Variants in TULP4 observed in about 807,000 individuals in gnomAD.
The protein encoded by TULP4 is TUB like protein 4.
Under a neutral mutation model 129.0 loss-of-function variants are expected in TULP4, and 16 were observed. The observed-to-expected ratio is 0.12, with a 90% CI of 0.08 to 0.19. The LOEUF is 0.19. TULP4 is among the 10% of genes least tolerant of loss of function. The probability of loss-of-function intolerance (pLI) is 1.00; values close to 1 mark genes in which losing one functional copy is unlikely to be tolerated. For synonymous variants in TULP4, 998 were observed against 854.0 expected (o/e 1.17, Z -2.94); for missense variants, 1,842 against 2,059.1 (o/e 0.89, Z 2.04).
chr6:158,427,547 G>A (rs1428094369), intron 2 of TULP4, among the ~76,000 whole-genome samples: 1 of 126,522 alleles, frequency 7.9e-6, no homozygotes, highest in African/African-American at 3.1e-5. Context: ...AGGCTGGAGT[G>A]CAGTGGCATG....
At position 158,411,930 on chromosome 6, in the gene TULP4, C is replaced by G. The variant is rs541948658; in HGVS notation, c.253-1135C>G. 7.2e-5 allele frequency among the ~76,000 whole-genome samples: 11 copies of G among 152,286 alleles called. No homozygotes were observed. The South Asian group carries it at 1.0e-3, about 14-fold the overall frequency. On this transcript the variant is annotated intron_variant, in intron 1 of 13. Transcript: ENST00000367097. ...AATTAGAATTTGGAAACCATTAACA[C>G]CAGTGCCACATGTTCACAACTATTA...
intron 6 of TULP4, among the ~76,000 whole-genome samples, chr6:158,464,350 A>G (rs1386028302): frequency 6.6e-6 from 1 of 152,242 alleles, no homozygotes; most frequent in Non-Finnish European, 1.5e-5. Flanking sequence ...GTGGATTCAA[A>G]GATTTTCTGA....
intron 3 of TULP4, among the ~76,000 whole-genome samples, chr6:158,445,388 A>T (rs1779012887): frequency 6.6e-6 from 1 of 152,142 alleles, no homozygotes; most frequent in Admixed American, 6.5e-5. Flanking sequence ...GGATTTGAGA[A>T]TTGGTTTATA....
At chr6:158,479,623 C>T in intron 6 of TULP4, 128 bp from the exon 7 acceptor site, 1 of 830,536 alleles carries the variant, frequency 1.2e-6, no homozygotes. Context: ...ACATTCTCTA[C>T]TGTGCTTTTA....
chr6:158,499,177 A>G (rs1044785360), intron 12 of TULP4, among the ~76,000 whole-genome samples: 13 of 152,194 alleles, frequency 8.5e-5, no homozygotes, highest in Admixed American at 2.0e-4. Context: ...ACTGAGACTC[A>G]ATCTCATTGA....
chr6:158,319,298 T>G (rs1779569124), intron 1 of TULP4, among the ~76,000 whole-genome samples: 1 of 152,190 alleles, frequency 6.6e-6, no homozygotes, highest in Non-Finnish European at 1.5e-5. Context: ...CTCTAAGGAT[T>G]CTCAATCAGG....
chr6:158,504,266 A>G, intron 13 of TULP4, 88 bp downstream of exon 13: 3 of 1,105,156 alleles, frequency 2.7e-6, no homozygotes, highest in Non-Finnish European at 3.8e-6. Context: ...CAAAAGGCCA[A>G]ATGGGAAATG....
In TULP4 at chr6:158,503,834, C is replaced by G. The variant is rs145543020; in HGVS notation, c.4171C>G (p.Leu1391Val). ...KKKVKSQKDQ[L>V]KSKKLNKTNE... ...GAAAGTGAAGAGTCAGAAAGACCAA[C>G]TGAAGTCAAAGAAGTTGAATAAGAC... The change falls in exon 13 of 14, where the codon CTG becomes GTG. Residue 1391 changes from leucine (L) to valine (V), a missense_variant. Transcript: ENST00000367097. The surrounding 1 kb of genome is among the most constrained non-coding windows in gnomAD (Gnocchi z 4.3). 2.0e-5 allele frequency: 33 copies of G among 1,614,000 alleles called. No homozygotes were observed. Among genetic ancestry groups the G allele is most frequent in the Non-Finnish European group, 2.6e-5 (31 of 1,180,036 alleles).
chr6:158,274,390 A>C (rs2128463257), intron 1 of TULP4, among the ~76,000 whole-genome samples: 1 of 152,336 alleles, frequency 6.6e-6, no homozygotes, highest in Admixed American at 6.5e-5. Flanking sequence ...GGATCACTGC[A>C]GCAGCCTCCT....
At chr6:158,389,445 C>G (rs1777535856) in intron 1 of TULP4, among the ~76,000 whole-genome samples, 1 of 152,126 alleles carries the variant, frequency 6.6e-6, no homozygotes, top group Non-Finnish European at 1.5e-5. Flanking sequence ...CAGAGTAAGA[C>G]TTTCTCTCTC....
At chr6:158,475,716 T>G (rs1429519724) in intron 6 of TULP4, among the ~76,000 whole-genome samples, 1 of 151,940 alleles carries the variant, frequency 6.6e-6, no homozygotes, top group Non-Finnish European at 1.5e-5. Context: ...GAGGACAGAG[T>G]GATGGAAATT....
chr6:158,503,591 G>C lies in TULP4; in HGVS notation c.3928G>C (p.Glu1310Gln), dbSNP rs1157999650. The C allele has an allele frequency of 4.3e-6, 7 of 1,614,058 alleles. No individual in the cohort carries two copies. Among genetic ancestry groups the C allele is most frequent in the Non-Finnish European group, 5.9e-6 (7 of 1,180,010 alleles). Residue 1310 changes from glutamate (E) to glutamine (Q), a missense_variant, in exon 13 of 14, where the codon GAG becomes CAG. Around this residue, in one of 5 missense-constraint regions of TULP4, gnomAD observed 1,089 missense variants for 987.1 expected, o/e 1.10. Coordinates refer to ENST00000367097, the MANE Select transcript of TULP4 (RefSeq NM_020245.5). This position sits in a 1 kb window ranked among gnomAD's most constrained non-coding sequence, Gnocchi z 4.3. ...QSHLGTEVMV[E>Q]TADNFQEVLS... ...CCACTTGGGCACAGAGGTGATGGTA[G>C]AGACTGCAGACAACTTCCAGGAAGT...
chr6:158,306,653 A>C (rs1426888562), intron 1 of TULP4, among the ~76,000 whole-genome samples: 1 of 152,202 alleles, frequency 6.6e-6, no homozygotes. Context: ...GCTCCTTTAT[A>C]TTCATAAAAA....
chr6:158,244,733 T>C (rs570617576), intron 1 of TULP4, among the ~76,000 whole-genome samples: 78 of 152,296 alleles, frequency 5.1e-4, no homozygotes, highest in African/African-American at 1.8e-3. Flanking sequence ...GGCTCATGCC[T>C]GTAGTCCTAG....
At chr6:158,482,200 C>T (rs981702825) in intron 8 of TULP4, among the ~76,000 whole-genome samples, 3 of 152,252 alleles carry the variant, frequency 2.0e-5, no homozygotes, top group South Asian at 4.1e-4. Context: ...GCCCATTAGT[C>T]TGGTCCCTGC....
At chr6:158,495,260 C>T (rs1295957135) in intron 11 of TULP4, among the ~76,000 whole-genome samples, 3 of 152,092 alleles carry the variant, frequency 2.0e-5, no homozygotes, top group African/African-American at 7.2e-5. Context: ...ACCACATTGT[C>T]CATGCTGGTC....
chr6:158,459,442 AAG>A (rs1554293505), intron 5 of TULP4, among the ~76,000 whole-genome samples: 3 of 151,548 alleles, frequency 2.0e-5, no homozygotes, highest in Non-Finnish European at 4.4e-5. Flanking sequence ...AAAAAAAAAA[AAG>A]AAGTCCCTGA....
At chr6:158,453,131 A>G (rs577523375) in intron 5 of TULP4, among the ~76,000 whole-genome samples, 17 of 152,192 alleles carry the variant, frequency 1.1e-4, no homozygotes, top group Admixed American at 4.6e-4. Context: ...ACCGTGCGCT[A>G]CTGCTGCTTG....
At chr6:158,442,205 T>C (rs1170221542) in intron 3 of TULP4, among the ~76,000 whole-genome samples, 2 of 152,174 alleles carry the variant, frequency 1.3e-5, no homozygotes, top group Non-Finnish European at 2.9e-5. Context: ...GTAGCACAGA[T>C]CAGCAAATCC....
Sources: allele counts gnomAD v4.1 joint callset (sites outside exome capture counted in the v4.1 genomes callset), GRCh38; gene constraint gnomAD v4.1.1; regional missense constraint gnomAD v4.1.1; non-coding constraint Gnocchi (gnomAD v3.1); transcripts MANE v1.5; gene names NCBI Gene and HGNC (gene_info 2026-07-23, HGNC 2026-07-21).